Variants in OSBPL9 observed in about 807,000 individuals in gnomAD.
OSBPL9 encodes oxysterol binding protein like 9, also known as oxysterol-binding protein-related protein 9.
In OSBPL9, 40 loss-of-function variants were observed where a neutral mutation model predicts 106.6. The ratio of observed to expected loss-of-function variants is 0.38; its 90% confidence interval spans 0.29 to 0.49. OSBPL9 has a LOEUF of 0.49. OSBPL9 is among the 20% of genes least tolerant of loss of function. OSBPL9 has a pLI of 0.97. For synonymous variants in OSBPL9, 269 were observed against 295.4 expected, an observed-to-expected ratio of 0.91 and a Z score of 0.92; for missense variants, 609 against 887.2, an observed-to-expected ratio of 0.69 and a Z score of 3.98.
intron 2 of OSBPL9, among the ~76,000 whole-genome samples, chr1:51,655,268 C>T (rs1386329646): frequency 6.6e-6 from 1 of 152,098 alleles, no homozygotes; most frequent in East Asian, 1.9e-4. Context: ...AGGGCATTTG[C>T]AGAATTCAAT....
intron 3 of OSBPL9, among the ~76,000 whole-genome samples, chr1:51,703,467 G>T (rs1396676003): frequency 2.0e-5 from 3 of 152,168 alleles, no homozygotes; most frequent in African/African-American, 7.2e-5. Flanking sequence ...GTATAAGAAT[G>T]CTTGTGATTT....
intron 3 of OSBPL9, among the ~76,000 whole-genome samples, chr1:51,674,457 T>C (rs1416412283): frequency 6.6e-6 from 1 of 152,018 alleles, no homozygotes; most frequent in Non-Finnish European, 1.5e-5. Context: ...ATAGAGAATA[T>C]AGGAGAGCAG....
chr1:51,579,473 T>C (rs965776634), intron 1 of OSBPL9, among the ~76,000 whole-genome samples: 2 of 152,232 alleles, frequency 1.3e-5, no homozygotes, highest in African/African-American at 4.8e-5. Context: ...ATGTATTTGC[T>C]GCCTTTATTC....
chr1:51,676,379 G>A (rs572376321), intron 3 of OSBPL9, among the ~76,000 whole-genome samples: 9 of 151,340 alleles, frequency 5.9e-5, no homozygotes, highest in South Asian at 2.1e-4. Flanking sequence ...GTAGTGAGCC[G>A]AGATCCCACC....
the OSBPL9 span, among the ~76,000 whole-genome samples, chr1:51,531,887 G>A: frequency 6.6e-6 from 1 of 152,184 alleles, no homozygotes; most frequent in Non-Finnish European, 1.5e-5. Context: ...AGAGGAACTA[G>A]TAAAGGAGAC....
the OSBPL9 span, among the ~76,000 whole-genome samples, chr1:51,523,233 T>C: frequency 1.1e-3 from 162 of 152,274 alleles, 1 homozygote; most frequent in African/African-American, 3.8e-3. Context: ...ATCTGAATAC[T>C]AATAACCAAC....
intron 1 of OSBPL9, among the ~76,000 whole-genome samples, chr1:51,591,958 G>A (rs1645277228): frequency 6.6e-6 from 1 of 151,986 alleles, no homozygotes; most frequent in African/African-American, 2.4e-5. Flanking sequence ...TCAGAACCCT[G>A]GACCCCCGTA....
chr1:51,711,124 C>A (rs2148882790), intron 3 of OSBPL9, among the ~76,000 whole-genome samples: 1 of 152,018 alleles, frequency 6.6e-6, no homozygotes, highest in Admixed American at 6.5e-5. Context: ...ACAGACACGG[C>A]AACCATCCGA....
At chr1:51,679,313 A>G (rs1652002442) in intron 3 of OSBPL9, among the ~76,000 whole-genome samples, 1 of 152,186 alleles carries the variant, frequency 6.6e-6, no homozygotes, top group African/African-American at 2.4e-5. Flanking sequence ...ATTTTTTGTT[A>G]ATAATTTTAT....
chr1:51,676,462 CT>C (rs1343542418), intron 3 of OSBPL9, among the ~76,000 whole-genome samples: 1 of 151,284 alleles, frequency 6.6e-6, no homozygotes, highest in Non-Finnish European at 1.5e-5. Context: ...AAATAAGAAA[CT>C]TTAAATTACA....
At position 51,788,766 on chromosome 1, in the gene OSBPL9, A is replaced by ATAG; in HGVS notation, c.*977_*978insTAG. Reference sequence around the variant, plus strand: ...AGATCCCCACCCCACAGTGAACAAAAATAGATAGATAGATAGAATAAAATG... The same window carrying ATAG: ...AGATCCCCACCCCACAGTGAACAAAATAGATAGATAGATAGATAGAATAAAATG... On this transcript the variant is annotated 3_prime_UTR_variant, in exon 24 of 24. Transcript: ENST00000428468. 6.6e-6 allele frequency among the ~76,000 whole-genome samples: 1 copy of ATAG among 152,136 alleles called. No homozygotes were observed. The highest frequency in any genetic ancestry group is 2.1e-4 in the South Asian group (1 of 4,826).
At chr1:51,534,081 G>A in the OSBPL9 span, among the ~76,000 whole-genome samples, 8 of 151,698 alleles carry the variant, frequency 5.3e-5, no homozygotes, top group Non-Finnish European at 1.0e-4. Context: ...GGCACATGCT[G>A]TAGTCCCAGC....
chr1:51,626,732 C>G (rs1258961177), intron 1 of OSBPL9, among the ~76,000 whole-genome samples: 1 of 151,886 alleles, frequency 6.6e-6, no homozygotes, highest in Non-Finnish European at 1.5e-5. Flanking sequence ...GTTGCCCAGG[C>G]TAGTCTTGAA....
At chr1:51,736,964 G>A (rs1665844935) in intron 4 of OSBPL9, among the ~76,000 whole-genome samples, 1 of 152,040 alleles carries the variant, frequency 6.6e-6, no homozygotes, top group African/African-American at 2.4e-5. Flanking sequence ...GTGGTGTGCT[G>A]TAGTAGGTGT....
intron 1 of OSBPL9, among the ~76,000 whole-genome samples, chr1:51,646,851 A>G (rs949376310): frequency 2.0e-5 from 3 of 152,052 alleles, no homozygotes; most frequent in African/African-American, 7.2e-5. Flanking sequence ...GATTTTCTAT[A>G]TGGAAGGTTA....
intron 1 of OSBPL9, among the ~76,000 whole-genome samples, chr1:51,629,217 A>G (rs1386072964): frequency 1.3e-5 from 2 of 152,112 alleles, no homozygotes; most frequent in African/African-American, 4.8e-5. Context: ...TTGATTTTTC[A>G]TGGCATATAT....
intron 9 of OSBPL9, chr1:51,756,652 C>T (rs950353559): frequency 1.4e-4 from 39 of 284,472 alleles, no homozygotes; most frequent in African/African-American, 8.4e-4. Context: ...TAATGCATAA[C>T]TCAGTGCCAC....
chr1:51,634,682 A>G (rs1368910726), intron 1 of OSBPL9, among the ~76,000 whole-genome samples: 2 of 152,160 alleles, frequency 1.3e-5, no homozygotes, highest in Admixed American at 6.5e-5. Context: ...GCTGCAGTGT[A>G]TGAGAGTGAG....
intron 1 of OSBPL9, among the ~76,000 whole-genome samples, chr1:51,620,949 G>A (rs1644388957): frequency 6.6e-6 from 1 of 152,046 alleles, no homozygotes; most frequent in Admixed American, 6.6e-5. Context: ...GGCTGGCCTC[G>A]AACTTCAGGG....
Sources: gnomAD v4.1 joint callset for allele counts (sites outside exome capture counted in the v4.1 genomes callset) on GRCh38, gnomAD v4.1.1 for gene constraint, MANE v1.5 for transcripts, NCBI Gene and HGNC (gene_info 2026-07-23, HGNC 2026-07-21) for gene names.